Variants in NRXN3 observed in about 807,000 individuals in gnomAD.
NRXN3 encodes the protein neurexin 3.
In NRXN3, 32 loss-of-function variants were observed where a neutral mutation model predicts 137.6. The ratio of observed to expected loss-of-function variants is 0.23; its 90% confidence interval spans 0.18 to 0.31. NRXN3 has a LOEUF of 0.31. Ranked by LOEUF, NRXN3 falls within the 10% of genes least tolerant of loss-of-function variation. NRXN3 has a pLI of 1.00. For missense variants in NRXN3, 1,574 were observed against 2,062.5 expected, an observed-to-expected ratio of 0.76 and a Z score of 4.59; for synonymous variants, 798 against 784.5, an observed-to-expected ratio of 1.02 and a Z score of -0.29.
At chr14:78,632,238 C>T (rs2097529249) in intron 4 of NRXN3, among the ~76,000 whole-genome samples, 4 of 151,702 alleles carry the variant, frequency 2.6e-5, no homozygotes, top group Admixed American at 6.6e-5. Flanking sequence ...TTTTATGATC[C>T]GTATTTATAT....
At chr14:79,713,235 C>T (rs1371269095) in intron 19 of NRXN3, among the ~76,000 whole-genome samples, 1 of 131,566 alleles carries the variant, frequency 7.6e-6, no homozygotes. Context: ...CAAAGTAGCA[C>T]TTACAACTCA....
chr14:79,279,851 C>T (rs2080960786), intron 15 of NRXN3: 1 of 1,007,792 alleles, frequency 9.9e-7, no homozygotes, highest in Non-Finnish European at 1.2e-6. Flanking sequence ...GATAAACTCA[C>T]CTGAACCCAC....
intron 6 of NRXN3, among the ~76,000 whole-genome samples, chr14:78,699,117 C>A (rs1298049284): frequency 6.6e-6 from 1 of 151,994 alleles, no homozygotes; most frequent in Non-Finnish European, 1.5e-5. Context: ...AAGAAACAGA[C>A]AATTCCAGCA....
chr14:78,668,658 G>A (rs1392217335), intron 6 of NRXN3, among the ~76,000 whole-genome samples: 2 of 152,158 alleles, frequency 1.3e-5, no homozygotes, highest in African/African-American at 4.8e-5. Flanking sequence ...CAACAGTGCC[G>A]AAGCTGAGAC....
intron 5 of NRXN3, 73 bp from the exon 6 acceptor site, chr14:78,651,092 G>A: frequency 1.5e-6 from 2 of 1,349,646 alleles, no homozygotes; most frequent in Non-Finnish European, 2.1e-6. Flanking sequence ...CACAAGTAGG[G>A]GAAGCCACTG....
At chr14:79,773,200 C>T (rs1330142579) in intron 19 of NRXN3, among the ~76,000 whole-genome samples, 24 of 152,148 alleles carry the variant, frequency 1.6e-4, no homozygotes, top group Admixed American at 1.6e-3. Context: ...CTAGTTCAAC[C>T]ATTGTGGAAG....
intron 15 of NRXN3, among the ~76,000 whole-genome samples, chr14:79,095,937 G>A (rs1804067910): frequency 1.3e-5 from 2 of 152,046 alleles, no homozygotes; most frequent in South Asian, 4.1e-4. Context: ...AAGCACAAGA[G>A]TACTTCCTAT....
intron 1 of NRXN3, among the ~76,000 whole-genome samples, chr14:78,188,013 A>G (rs1210054380): frequency 6.6e-6 from 1 of 152,172 alleles, no homozygotes; most frequent in Non-Finnish European, 1.5e-5. Flanking sequence ...ATTAACACAT[A>G]GGGAGCACTC....
intron 2 of NRXN3, among the ~76,000 whole-genome samples, chr14:78,271,394 T>C (rs1051960799): frequency 2.6e-5 from 4 of 152,080 alleles, no homozygotes; most frequent in Non-Finnish European, 5.9e-5. Context: ...GCCAAAAATA[T>C]TTTAAATGAC....
intron 4 of NRXN3, among the ~76,000 whole-genome samples, chr14:78,447,934 G>T (rs908307121): frequency 2.0e-5 from 3 of 152,190 alleles, no homozygotes; most frequent in African/African-American, 7.2e-5. Flanking sequence ...AGTTGTCATT[G>T]TTATTCCCTG....
chr14:78,284,375 A>G (rs57636290), intron 3 of NRXN3, among the ~76,000 whole-genome samples: 5,118 of 152,266 alleles, frequency 0.034, 119 homozygotes, highest in African/African-American at 0.065. Flanking sequence ...TACTTCTTAC[A>G]TACATTGATT....
chr14:78,460,377 G>A (rs2094888031), intron 4 of NRXN3, among the ~76,000 whole-genome samples: 1 of 152,252 alleles, frequency 6.6e-6, no homozygotes, highest in Non-Finnish European at 1.5e-5. Flanking sequence ...AGAGCTGAAA[G>A]TTCCAAACCT....
chr14:78,404,576 A>G (rs1033867620), intron 4 of NRXN3, among the ~76,000 whole-genome samples: 1 of 152,216 alleles, frequency 6.6e-6, no homozygotes, highest in Non-Finnish European at 1.5e-5. Context: ...TTACTGCTCT[A>G]GAATCTAACA....
intron 16 of NRXN3, among the ~76,000 whole-genome samples, chr14:79,481,809 G>C (rs1308491430): frequency 6.6e-6 from 1 of 152,082 alleles, no homozygotes; most frequent in African/African-American, 2.4e-5. Flanking sequence ...GGCAGGTAGG[G>C]GTCTGGGGGA....
chr14:79,810,594 T>C (rs1043707821), intron 20 of NRXN3, among the ~76,000 whole-genome samples: 1 of 152,214 alleles, frequency 6.6e-6, no homozygotes, highest in African/African-American at 2.4e-5. Flanking sequence ...GCTACTTAGT[T>C]CCTCTTTGTT....
At chr14:79,196,285 A>G in intron 15 of NRXN3, among the ~76,000 whole-genome samples, 1 of 152,206 alleles carries the variant, frequency 6.6e-6, no homozygotes, top group East Asian at 1.9e-4. Context: ...GTAACTCAAA[A>G]TGAACAGAAA....
intron 1 of NRXN3, among the ~76,000 whole-genome samples, chr14:78,228,021 G>T (rs748261107): frequency 6.6e-6 from 1 of 152,218 alleles, no homozygotes; most frequent in Non-Finnish European, 1.5e-5. Flanking sequence ...TGAGCTTAGT[G>T]TCCAGGGCTG....
At chr14:79,366,980 C>CTT (rs71131695) in intron 15 of NRXN3, among the ~76,000 whole-genome samples, 4,123 of 113,192 alleles carry the variant, frequency 0.036, 221 homozygotes, top group Middle Eastern at 0.08. Flanking sequence ...GTCCCTTAGT[C>CTT]TTTTTTTTTT....
At chr14:78,545,320 A>T (rs1256937444) in intron 4 of NRXN3, among the ~76,000 whole-genome samples, 4 of 152,178 alleles carry the variant, frequency 2.6e-5, no homozygotes, top group Non-Finnish European at 5.9e-5. Context: ...TTTACTTTAA[A>T]CACACACACA....
Sources: allele counts gnomAD v4.1 joint callset (sites outside exome capture counted in the v4.1 genomes callset), GRCh38; gene constraint gnomAD v4.1.1; transcripts MANE v1.5; gene names NCBI Gene and HGNC (gene_info 2026-07-23, HGNC 2026-07-21).